AXIN1: variants seen among roughly 807,000 people sequenced by gnomAD.
The protein encoded by AXIN1 is axin-1.
A neutral mutation model predicts 76.4 loss-of-function variants in AXIN1; 30 were observed. That is an observed-to-expected ratio of 0.39 (90% CI 0.29 to 0.53). The LOEUF is 0.53. Ranked by LOEUF, AXIN1 falls within the 20% of genes least tolerant of loss-of-function variation. The probability of loss-of-function intolerance (pLI) is 0.66; values close to 1 mark genes in which losing one functional copy is unlikely to be tolerated. For missense variants in AXIN1, 1,140 were observed against 1,198.8 expected (o/e 0.95, Z 0.72); for synonymous variants, 545 against 501.4 (o/e 1.09, Z -1.16).
chr16:348,565 T>G (rs1322084052), intron 1 of AXIN1, among the ~76,000 whole-genome samples: 2 of 152,176 alleles, frequency 1.3e-5, no homozygotes, highest in African/African-American at 4.8e-5. Flanking sequence ...CTCAGGAGGC[T>G]GAGGCTGGAG....
intron 5 of AXIN1, among the ~76,000 whole-genome samples, chr16:301,783 G>A (rs185509782): frequency 9.9e-4 from 151 of 152,202 alleles, no homozygotes; most frequent in Non-Finnish European, 1.7e-3. Flanking sequence ...GCCGGCGACC[G>A]ACACAACAAC....
At chr16:323,568 T>C (rs2053511887) in intron 2 of AXIN1, among the ~76,000 whole-genome samples, 1 of 150,324 alleles carries the variant, frequency 6.7e-6, no homozygotes, top group African/African-American at 2.5e-5. Context: ...GATCACAAGG[T>C]CAAGAGATCA....
At chr16:342,653 C>T (rs545257591) in intron 2 of AXIN1, among the ~76,000 whole-genome samples, 1 of 152,360 alleles carries the variant, frequency 6.6e-6, no homozygotes, top group Admixed American at 6.5e-5. Context: ...CGTGACTGTG[C>T]TGAGACAGAC....
rs537033128 is a variant in AXIN1 at position 321,035 on chromosome 16, C to A, written c.879-6352G>T. Among the ~76,000 whole-genome samples the A allele has an allele frequency of 2.0e-5, 3 of 152,016 alleles. No homozygotes were observed. The South Asian group carries it at 6.2e-4, about 32-fold the overall frequency. ...TTACAGGCTTAAGCCACTGCGCCTG[C>A]CCACAAAAAATGTTTCATGCCAAAA... On this transcript the variant is annotated intron_variant, in intron 2 of 10. Transcript: ENST00000262320.
chr16:327,892 G>A (rs972557130), intron 2 of AXIN1, among the ~76,000 whole-genome samples: 6 of 152,242 alleles, frequency 3.9e-5, no homozygotes, highest in African/African-American at 1.4e-4. Context: ...GGACTGGGTG[G>A]GAAAGGCTGC....
intron 1 of AXIN1, 135 bp from the exon 2 acceptor site, chr16:347,241 A>C (rs1445029183): frequency 4.1e-5 from 34 of 827,964 alleles, no homozygotes; most frequent in Non-Finnish European, 1.8e-6. Context: ...TTAAATGTTC[A>C]ATCAAGATAT....
chr16:299,868 G>A (rs199577688), intron 5 of AXIN1, among the ~76,000 whole-genome samples: 2 of 149,042 alleles, frequency 1.3e-5, no homozygotes, highest in East Asian at 4.0e-4. Flanking sequence ...TGTTAGCCAG[G>A]ATGGTCTCGA....
At chr16:342,019 C>T (rs1341346942) in intron 2 of AXIN1, among the ~76,000 whole-genome samples, 4 of 152,200 alleles carry the variant, frequency 2.6e-5, no homozygotes, top group Non-Finnish European at 4.4e-5. Flanking sequence ...TACCAATCAG[C>T]AGGATGTGGG....
intron 9 of AXIN1, chr16:290,928 G>A (rs1170912635): frequency 1.8e-6 from 1 of 552,364 alleles, no homozygotes; most frequent in South Asian, 2.0e-5. Context: ...TGTGGATGCA[G>A]GGGCTGGCTG....
Position 341,230 on chromosome 16 carries a change from G to A in AXIN1, c.878+4918C>T, listed in dbSNP as rs574028198. On this transcript the variant is annotated intron_variant, in intron 2 of 10. Transcript: ENST00000262320. ...GCCCCTTTCTGGGCTGGCCAAGGCC[G>A]GAGCCGGCTCCCTCAGCTTGCGGGG... Among the ~76,000 whole-genome samples, 172 of 152,390 alleles carry A rather than the reference G, an allele frequency of 1.1e-3. 1 individual carries two copies. The highest frequency in any genetic ancestry group is 3.4e-3 in the Middle Eastern group (1 of 294).
chr16:295,846 A>T (rs2052696935), intron 7 of AXIN1, among the ~76,000 whole-genome samples: 2 of 152,128 alleles, frequency 1.3e-5, no homozygotes, highest in South Asian at 4.1e-4. Flanking sequence ...TCACGCCTGT[A>T]ATCCCAGCTA....
At chr16:309,912 TC>T (rs2053129062) in intron 4 of AXIN1, 60 bp downstream of exon 4, 2 of 1,556,266 alleles carry the variant, frequency 1.3e-6, no homozygotes, top group East Asian at 4.5e-5. Flanking sequence ...GCGGACCAGT[TC>T]ACCAGGCCCA....
In AXIN1 at chr16:328,116, G is replaced by A. The variant is rs72765851; in HGVS notation, c.879-13433C>T. On this transcript the variant is annotated intron_variant, in intron 2 of 10. Coordinates refer to ENST00000262320, the MANE Select transcript of AXIN1 (RefSeq NM_003502.4). ...GTTGCAAAAATTAGCCAAGGGCTGG[G>A]CGGGGTAGCTCACACCTGTAATCCC... Among the ~76,000 whole-genome samples, 350 of 152,338 alleles carry A rather than the reference G, an allele frequency of 2.3e-3. 2 individuals carry two copies. The highest frequency in any genetic ancestry group is 2.0e-3 in the Non-Finnish European group (134 of 68,034).
intron 5 of AXIN1, among the ~76,000 whole-genome samples, chr16:302,864 T>A (rs1420975819): frequency 1.3e-5 from 2 of 152,146 alleles, no homozygotes; most frequent in Non-Finnish European, 2.9e-5. Context: ...TAGGAATTAA[T>A]CTGGCTAAGA....
chr16:334,824 C>A (rs547754500), intron 2 of AXIN1, among the ~76,000 whole-genome samples: 1 of 152,048 alleles, frequency 6.6e-6, no homozygotes, highest in South Asian at 2.1e-4. Flanking sequence ...CCATGGCATG[C>A]CAAAAGCAAA....
intron 5 of AXIN1, 63 bp downstream of exon 5, chr16:304,241 T>A (rs2141544105): frequency 6.3e-7 from 1 of 1,598,972 alleles, no homozygotes. Context: ...CATCAGGACA[T>A]CCCGGCGGCA....
intron 2 of AXIN1, among the ~76,000 whole-genome samples, chr16:344,905 G>A (rs935822387): frequency 5.3e-5 from 8 of 152,160 alleles, no homozygotes; most frequent in Non-Finnish European, 1.2e-4. Context: ...AAGAACTAAT[G>A]CGAGTTTTTA....
At position 308,086 on chromosome 16, in the gene AXIN1, C is replaced by A. The variant is rs1330690406; in HGVS notation, c.1116+1887G>T. On this transcript the variant is annotated intron_variant, in intron 4 of 10. Transcript: ENST00000262320. ...TTCACACAGAAACGCACACTGCGGC[C>A]CCCACCCCACCACACAAGGGCCCTC... Among the ~76,000 whole-genome samples the A allele has an allele frequency of 4.6e-5, 7 of 152,208 alleles. No homozygotes were observed. The East Asian group carries it at 1.3e-3, about 29-fold the overall frequency.
At chr16:336,135 C>G (rs964424196) in intron 2 of AXIN1, among the ~76,000 whole-genome samples, 1 of 151,896 alleles carries the variant, frequency 6.6e-6, no homozygotes, top group African/African-American at 2.4e-5. Context: ...CTCGGGAGGC[C>G]GAGGCAGAAG....
Sources: gnomAD v4.1 joint callset for allele counts (sites outside exome capture counted in the v4.1 genomes callset) on GRCh38, gnomAD v4.1.1 for gene constraint, MANE v1.5 for transcripts, NCBI Gene and HGNC (gene_info 2026-07-23, HGNC 2026-07-21) for gene names.